The following NRXN3 variants were observed in gnomAD, a reference collection of about 807,000 sequenced individuals.
NRXN3 encodes neurexin 3, also known as neurexin III.
Under a neutral mutation model 137.6 loss-of-function variants are expected in NRXN3, and 32 were observed. The ratio of observed to expected loss-of-function variants is 0.23; its 90% CI spans 0.18 to 0.31. The LOEUF (loss-of-function observed/expected upper bound fraction) is 0.31, where lower values mean the gene tolerates loss of function less well. NRXN3 is among the 10% of genes least tolerant of loss of function. The pLI is 1.00. For synonymous variants in NRXN3, 798 were observed against 784.5 expected, an observed-to-expected ratio of 1.02 and a Z score of -0.29; for missense variants, 1,574 against 2,062.5, an observed-to-expected ratio of 0.76 and a Z score of 4.59.
At chr14:78,583,885 A>C (rs965307303) in intron 4 of NRXN3, among the ~76,000 whole-genome samples, 1 of 152,102 alleles carries the variant, frequency 6.6e-6, no homozygotes, top group African/African-American at 2.4e-5. Context: ...ACCCTTCCAA[A>C]CATAACATAC....
intron 10 of NRXN3, among the ~76,000 whole-genome samples, chr14:78,854,890 C>T (rs371804297): frequency 9.9e-5 from 15 of 152,008 alleles, no homozygotes; most frequent in African/African-American, 2.9e-4. Context: ...GGAATATTGT[C>T]ACTGAGGTGG....
rs1470660850 is a variant in NRXN3 at position 78,905,699 on chromosome 14, A to G, written c.2276-51543A>G. On this transcript the variant is annotated intron_variant, in intron 10 of 20. Transcript: ENST00000335750. Reference sequence around the variant, plus strand: ...GGTAAGGTAAAATGTAATCATTTTGATGGTTTATAATGTATAAAATGATAA... The same window carrying G: ...GGTAAGGTAAAATGTAATCATTTTGGTGGTTTATAATGTATAAAATGATAA... Among the ~76,000 whole-genome samples, 8 of 152,158 alleles carry G rather than the reference A, an allele frequency of 5.3e-5. No individual in the cohort carries two copies. The East Asian group carries it at 1.6e-3, about 29-fold the overall frequency.
At chr14:78,830,654 G>A (rs574597506) in intron 10 of NRXN3, among the ~76,000 whole-genome samples, 1 of 151,600 alleles carries the variant, frequency 6.6e-6, no homozygotes, top group African/African-American at 2.4e-5. Context: ...GAGCTTTAAA[G>A]AAAATTATTT....
intron 19 of NRXN3, among the ~76,000 whole-genome samples, chr14:79,715,824 G>T (rs376762699): frequency 3.5e-4 from 53 of 152,336 alleles, no homozygotes; most frequent in African/African-American, 1.3e-3. Context: ...GCTGTCCTGT[G>T]CAGGATGAGA....
chr14:79,681,039 C>T (rs1262247396), intron 17 of NRXN3, among the ~76,000 whole-genome samples: 4 of 152,190 alleles, frequency 2.6e-5, no homozygotes, highest in African/African-American at 9.6e-5. Flanking sequence ...TTCCCAACTC[C>T]CTCAGCCTTA....
chr14:78,847,293 C>G (rs1025257069), intron 10 of NRXN3, among the ~76,000 whole-genome samples: 8 of 152,070 alleles, frequency 5.3e-5, no homozygotes. Flanking sequence ...TGTGCCCAAC[C>G]TGCCACGGCT....
At chr14:79,490,947 G>A (rs2096710785) in intron 16 of NRXN3, among the ~76,000 whole-genome samples, 1 of 151,958 alleles carries the variant, frequency 6.6e-6, no homozygotes, top group Non-Finnish European at 1.5e-5. Context: ...CACCTACTAT[G>A]TACCCACAAA....
chr14:79,554,615 C>T (rs140846527), intron 16 of NRXN3, among the ~76,000 whole-genome samples: 207 of 152,262 alleles, frequency 1.4e-3, no homozygotes, highest in African/African-American at 4.9e-3. Flanking sequence ...AGCTGTCAAA[C>T]AGCAGCCATC....
intron 8 of NRXN3, among the ~76,000 whole-genome samples, chr14:78,739,660 T>C (rs1023402298): frequency 6.6e-6 from 1 of 152,046 alleles, no homozygotes; most frequent in African/African-American, 2.4e-5. Context: ...TTAGTAGAGA[T>C]GGGGTTTCGC....
chr14:79,294,154 C>T (rs148341662), intron 15 of NRXN3, among the ~76,000 whole-genome samples: 5 of 152,274 alleles, frequency 3.3e-5, no homozygotes, highest in South Asian at 2.1e-4. Flanking sequence ...AAAGGAAGGA[C>T]GCTTGGTTTT....
intron 19 of NRXN3, among the ~76,000 whole-genome samples, chr14:79,802,062 T>C (rs117811659): frequency 6.6e-6 from 1 of 151,894 alleles, no homozygotes. Context: ...AAAAAAAAAT[T>C]ACATTTCTTC....
chr14:78,398,531 T>A (rs191508740), intron 4 of NRXN3, among the ~76,000 whole-genome samples: 103 of 152,280 alleles, frequency 6.8e-4, no homozygotes, highest in Non-Finnish European at 1.3e-3. Context: ...TGGGGCTTGT[T>A]ACTGTTGGGC....
At chr14:78,609,441 G>A (rs1427084799) in intron 4 of NRXN3, among the ~76,000 whole-genome samples, 1 of 152,202 alleles carries the variant, frequency 6.6e-6, no homozygotes, top group Admixed American at 6.5e-5. Flanking sequence ...CTACTTTAAA[G>A]TTTGGGACTA....
rs372223313 is a variant in NRXN3 at position 79,681,299 on chromosome 14, G to A, written c.3617-10874G>A. On this transcript the variant is annotated intron_variant, in intron 17 of 20. Transcript: ENST00000335750. ...GATAGTGTTTCCTTTACCCACTCTC[G>A]GACCCCTGTTCTTCCTGGATCTCCT... Among the ~76,000 whole-genome samples the A allele has an allele frequency of 2.1e-3, 317 of 152,108 alleles. 4 individuals are homozygous for A. Among genetic ancestry groups the A allele is most frequent in the African/African-American group, 6.8e-3 (281 of 41,510 alleles).
At chr14:79,739,396 G>A (rs2098952829) in intron 19 of NRXN3, among the ~76,000 whole-genome samples, 2 of 152,070 alleles carry the variant, frequency 1.3e-5, no homozygotes, top group African/African-American at 2.4e-5. Flanking sequence ...TGTAATCTCA[G>A]CATTTTGGGA....
At chr14:78,442,056 A>G (rs556041559) in intron 4 of NRXN3, among the ~76,000 whole-genome samples, 11 of 150,906 alleles carry the variant, frequency 7.3e-5, no homozygotes, top group African/African-American at 2.7e-4. Context: ...AGATCTTGCC[A>G]CTGCACTCCA....
intron 4 of NRXN3, among the ~76,000 whole-genome samples, chr14:78,381,132 A>G (rs2089025433): frequency 6.6e-6 from 1 of 152,218 alleles, no homozygotes; most frequent in African/African-American, 2.4e-5. Flanking sequence ...AAGTATCACT[A>G]CTTATTAAAA....
At chr14:78,740,176 T>A (rs1027173242) in intron 8 of NRXN3, among the ~76,000 whole-genome samples, 1 of 152,160 alleles carries the variant, frequency 6.6e-6, no homozygotes, top group African/African-American at 2.4e-5. Context: ...GAATTAGAAT[T>A]CTAGTTTTAG....
At chr14:78,758,779 T>C (rs1231113859) in intron 8 of NRXN3, among the ~76,000 whole-genome samples, 1 of 152,236 alleles carries the variant, frequency 6.6e-6, no homozygotes, top group African/African-American at 2.4e-5. Flanking sequence ...CCTTTTATGG[T>C]TTATTTCAAC....
Sources: gnomAD v4.1 joint callset for allele counts (sites outside exome capture counted in the v4.1 genomes callset) on GRCh38, gnomAD v4.1.1 for gene constraint, MANE v1.5 for transcripts, NCBI Gene and HGNC (gene_info 2026-07-23, HGNC 2026-07-21) for gene names.